The following NDST4 variants were observed in gnomAD, a reference collection of about 807,000 sequenced individuals.
The protein encoded by NDST4 is N-heparan sulfate sulfotransferase 4.
NDST4 carries 63 observed loss-of-function variants against 100.8 expected under a neutral mutation model. The observed-to-expected ratio is 0.62, with a 90% CI of 0.51 to 0.77. NDST4 has a LOEUF of 0.77. Among genes scored for constraint, NDST4 ranks in the 30% least tolerant of loss-of-function variants. The probability of loss-of-function intolerance (pLI) is 0.00; values close to 1 mark genes in which losing one functional copy is unlikely to be tolerated. For missense variants in NDST4, 943 were observed against 1,018.4 expected (o/e 0.93, Z 1.01); for synonymous variants, 377 against 361.8 (o/e 1.04, Z -0.48).
intron 2 of NDST4, among the ~76,000 whole-genome samples, chr4:115,033,122 T>C (rs1728149070): frequency 1.0e-5 from 1 of 99,472 alleles, no homozygotes; most frequent in African/African-American, 5.3e-5. Context: ...AAAAATTATA[T>C]ATATATGTGT....
At chr4:115,051,773 C>A (rs192246551) in intron 2 of NDST4, among the ~76,000 whole-genome samples, 13 of 152,122 alleles carry the variant, frequency 8.5e-5, no homozygotes, top group Non-Finnish European at 1.6e-4. Flanking sequence ...TGGATATATA[C>A]CCAGTAGTGG....
chr4:115,089,398 G>T (rs1478635153), intron 1 of NDST4, among the ~76,000 whole-genome samples: 5 of 137,420 alleles, frequency 3.6e-5, no homozygotes, highest in African/African-American at 1.4e-4. Context: ...TTTTAAATGG[G>T]TGAGTTTCAT....
rs1006077998 is a variant in NDST4, at chr4:114,898,912, G to GT, written c.1537-27963dup. Reference sequence around the variant, plus strand: ...ATATTCACTTATTATTTCCAGGAGGGTTTTTTTTTGTCAATTATCTCAGAT... The same window carrying GT: ...ATATTCACTTATTATTTCCAGGAGGGTTTTTTTTTTGTCAATTATCTCAGAT... On this transcript the variant is annotated intron_variant, in intron 6 of 13. Coordinates refer to ENST00000264363, the MANE Select transcript of NDST4 (RefSeq NM_022569.3). Among the ~76,000 whole-genome samples the GT allele has an allele frequency of 1.4e-3, 207 of 150,458 alleles. 1 individual carries two copies. Among genetic ancestry groups the GT allele is most frequent in the Middle Eastern group, 3.4e-3 (1 of 294 alleles).
chr4:114,957,967 C>T (rs997538402), intron 4 of NDST4, among the ~76,000 whole-genome samples: 3 of 152,224 alleles, frequency 2.0e-5, no homozygotes, highest in African/African-American at 7.2e-5. Flanking sequence ...TGGCTGCTTT[C>T]ACTGGCTGGC....
At chr4:114,980,808 A>G (rs1420002429) in intron 2 of NDST4, among the ~76,000 whole-genome samples, 2 of 152,166 alleles carry the variant, frequency 1.3e-5, no homozygotes, top group Admixed American at 1.3e-4. Flanking sequence ...TTGATTGTAT[A>G]TTAAAGAGAA....
intron 6 of NDST4, among the ~76,000 whole-genome samples, chr4:114,932,510 A>T (rs940726806): frequency 3.3e-5 from 5 of 152,000 alleles, no homozygotes; most frequent in African/African-American, 1.2e-4. Context: ...ACTGGGCAAG[A>T]GAAAGAAAAA....
At chr4:114,982,808 G>A (rs1008570287) in intron 2 of NDST4, among the ~76,000 whole-genome samples, 5 of 152,112 alleles carry the variant, frequency 3.3e-5, no homozygotes, top group African/African-American at 1.2e-4. Flanking sequence ...CCCATCACAG[G>A]CCCAGAGGCC....
At chr4:115,058,952 G>C (rs1026971800) in intron 2 of NDST4, among the ~76,000 whole-genome samples, 2 of 150,804 alleles carry the variant, frequency 1.3e-5, no homozygotes, top group Admixed American at 1.3e-4. Flanking sequence ...GATGGGAATA[G>C]CTGAAACTGT....
chr4:115,012,397 T>TAAATC (rs1203067577), intron 2 of NDST4, among the ~76,000 whole-genome samples: 1 of 152,036 alleles, frequency 6.6e-6, no homozygotes, highest in African/African-American at 2.4e-5. Context: ...AATGTCATTC[T>TAAATC]AAATCAAATG....
At chr4:114,956,487 A>G (rs1483479803) in intron 4 of NDST4, among the ~76,000 whole-genome samples, 1 of 152,216 alleles carries the variant, frequency 6.6e-6, no homozygotes, top group African/African-American at 2.4e-5. Context: ...CTTTCTATCT[A>G]GAGAGAACCA....
intron 6 of NDST4, among the ~76,000 whole-genome samples, chr4:114,882,625 G>A (rs1344679987): frequency 1.3e-5 from 2 of 151,996 alleles, no homozygotes; most frequent in Non-Finnish European, 2.9e-5. Flanking sequence ...TGCAAGAACT[G>A]AGGGGCAATA....
intron 2 of NDST4, among the ~76,000 whole-genome samples, chr4:115,055,654 G>A (rs956042700): frequency 6.6e-6 from 1 of 152,096 alleles, no homozygotes; most frequent in Non-Finnish European, 1.5e-5. Context: ...CTCAATGCTG[G>A]TGATTTCAAT....
chr4:114,869,658 C>T (rs749219277), intron 7 of NDST4, among the ~76,000 whole-genome samples: 3 of 152,180 alleles, frequency 2.0e-5, no homozygotes, highest in South Asian at 2.1e-4. Flanking sequence ...TAAACACAAA[C>T]GGTAAAAAGC....
chr4:114,959,046 A>T (rs2126235340), intron 4 of NDST4, among the ~76,000 whole-genome samples: 2 of 152,278 alleles, frequency 1.3e-5, no homozygotes, highest in South Asian at 4.1e-4. Flanking sequence ...AAATGTCCCC[A>T]GTCTCTTCCT....
chr4:114,915,634 G>A (rs1475553698), intron 6 of NDST4, among the ~76,000 whole-genome samples: 2 of 152,070 alleles, frequency 1.3e-5, no homozygotes, highest in African/African-American at 4.8e-5. Context: ...AATCCTGTGT[G>A]CTTTTCTAAA....
chr4:114,955,575 G>A (rs1421149014), intron 4 of NDST4, among the ~76,000 whole-genome samples: 1 of 152,204 alleles, frequency 6.6e-6, no homozygotes, highest in Non-Finnish European at 1.5e-5. Context: ...TAAAGATGCT[G>A]CTGCCATAAA....
chr4:114,976,533 A>G (rs1390313236), intron 3 of NDST4, among the ~76,000 whole-genome samples: 1 of 152,058 alleles, frequency 6.6e-6, no homozygotes, highest in South Asian at 2.1e-4. Flanking sequence ...ATCAGAACAC[A>G]GCACATGAAT....
At chr4:115,077,824 C>A (rs575235238) in intron 1 of NDST4, among the ~76,000 whole-genome samples, 1 of 152,284 alleles carries the variant, frequency 6.6e-6, no homozygotes, top group South Asian at 2.1e-4. Flanking sequence ...CAGGGAGCCA[C>A]TTGGCCCTCT....
chr4:114,831,046 A>C (rs1404762242), intron 12 of NDST4, among the ~76,000 whole-genome samples: 2 of 151,676 alleles, frequency 1.3e-5, no homozygotes, highest in Non-Finnish European at 2.9e-5. Context: ...TCCAACCTGG[A>C]CTTTTCTTTT....
Sources: allele counts gnomAD v4.1 joint callset (sites outside exome capture counted in the v4.1 genomes callset), GRCh38; gene constraint gnomAD v4.1.1; transcripts MANE v1.5; gene names NCBI Gene and HGNC (gene_info 2026-07-23, HGNC 2026-07-21).